The following BICC1 variants were observed in gnomAD, a reference collection of about 807,000 sequenced individuals.
The protein encoded by BICC1 is BicC family RNA binding protein 1, also known as protein bicaudal C homolog 1.
Under a neutral mutation model 111.0 loss-of-function variants are expected in BICC1, and 43 were observed. That is an observed-to-expected ratio of 0.39 (90% CI 0.30 to 0.50). The LOEUF is 0.50. Among genes scored for constraint, BICC1 ranks in the 20% least tolerant of loss-of-function variants. The pLI, the probability that BICC1 is intolerant of heterozygous loss-of-function variation, is 0.88. For synonymous variants in BICC1, 467 were observed against 434.4 expected (o/e 1.07, Z -0.93); for missense variants, 1,091 against 1,203.2 (o/e 0.91, Z 1.38).
intron 2 of BICC1, among the ~76,000 whole-genome samples, chr10:58,646,006 A>G (rs1838258433): frequency 6.6e-6 from 1 of 152,078 alleles, no homozygotes; most frequent in Non-Finnish European, 1.5e-5. Flanking sequence ...ATTTGGAACA[A>G]TGCCAGAGAA....
chr10:58,748,514 G>C (rs7098273), intron 3 of BICC1, among the ~76,000 whole-genome samples: 92,606 of 151,778 alleles, frequency 0.61, 29,837 homozygotes, highest in East Asian at 0.9. Flanking sequence ...GTTTCTCTAA[G>C]TTTGTACACG....
At chr10:58,694,356 C>T (rs564849882) in intron 2 of BICC1, among the ~76,000 whole-genome samples, 1 of 152,300 alleles carries the variant, frequency 6.6e-6, no homozygotes, top group African/African-American at 2.4e-5. Flanking sequence ...CACCAACAAA[C>T]TTCAGAAGAG....
intron 3 of BICC1, among the ~76,000 whole-genome samples, chr10:58,718,818 G>C: frequency 6.6e-6 from 1 of 151,978 alleles, no homozygotes. Context: ...GTATGTGTGT[G>C]TGCGTGCATG....
At chr10:58,650,760 A>G (rs1489643580) in intron 2 of BICC1, 2 of 152,114 alleles carry the variant, frequency 1.3e-5, no homozygotes, top group Non-Finnish European at 2.9e-5. Context: ...ATATTCATTC[A>G]TTCCTCCTTG....
intron 2 of BICC1, among the ~76,000 whole-genome samples, chr10:58,683,113 T>C (rs1839592071): frequency 6.6e-6 from 1 of 152,342 alleles, no homozygotes; most frequent in Admixed American, 6.5e-5. Context: ...CTAGCCAGTT[T>C]TCCCAGCACC....
At chr10:58,544,724 A>G (rs1480064672) in intron 1 of BICC1, among the ~76,000 whole-genome samples, 1 of 152,188 alleles carries the variant, frequency 6.6e-6, no homozygotes, top group Non-Finnish European at 1.5e-5. Context: ...ATGCATACAT[A>G]CATACATGTG....
At chr10:58,615,691 C>T (rs1478661273) in intron 1 of BICC1, among the ~76,000 whole-genome samples, 1 of 152,134 alleles carries the variant, frequency 6.6e-6, no homozygotes, top group Non-Finnish European at 1.5e-5. Flanking sequence ...TGGCATGACA[C>T]TTGGCATAGT....
At chr10:58,792,400 G>T (rs1843209758) in intron 8 of BICC1, among the ~76,000 whole-genome samples, 1 of 152,096 alleles carries the variant, frequency 6.6e-6, no homozygotes, top group African/African-American at 2.4e-5. Context: ...TTAAGGCAGG[G>T]GTCCTCAATC....
intron 1 of BICC1, among the ~76,000 whole-genome samples, chr10:58,587,589 A>G (rs1190940987): frequency 2.0e-5 from 3 of 152,298 alleles, no homozygotes; most frequent in African/African-American, 4.8e-5. Context: ...GTGGTTGGAG[A>G]TGGTAAGGAA....
At chr10:58,767,006 TCTGA>T (rs1385840163) in intron 3 of BICC1, among the ~76,000 whole-genome samples, 1 of 152,034 alleles carries the variant, frequency 6.6e-6, no homozygotes, top group Non-Finnish European at 1.5e-5. Flanking sequence ...GCTGTTTGTA[TCTGA>T]CTGACTGCAT....
At chr10:58,761,138 G>A (rs866878830) in intron 3 of BICC1, among the ~76,000 whole-genome samples, 17 of 152,124 alleles carry the variant, frequency 1.1e-4, no homozygotes, top group Admixed American at 7.9e-4. Flanking sequence ...GATTACAGGC[G>A]TGAGCCACTG....
chr10:58,650,621 G>C (rs1838417618), intron 2 of BICC1: 1 of 152,054 alleles, frequency 6.6e-6, no homozygotes, highest in Non-Finnish European at 1.5e-5. Context: ...GCTCAAATGG[G>C]GCTGTCAGGA....
intron 2 of BICC1, among the ~76,000 whole-genome samples, chr10:58,669,867 A>C (rs2393463): frequency 0.96 from 146,471 of 152,198 alleles, 70,763 homozygotes; most frequent in Middle Eastern, 1. Flanking sequence ...TTTGATAATG[A>C]TTTCAAACGG....
intron 9 of BICC1, among the ~76,000 whole-genome samples, chr10:58,794,480 G>A (rs188812141): frequency 6.6e-6 from 1 of 151,320 alleles, no homozygotes; most frequent in East Asian, 1.9e-4. Flanking sequence ...GTACAGTGGT[G>A]TGATCGTGGC....
At chr10:58,585,907 T>C (rs1844414102) in intron 1 of BICC1, among the ~76,000 whole-genome samples, 1 of 152,196 alleles carries the variant, frequency 6.6e-6, no homozygotes, top group African/African-American at 2.4e-5. Flanking sequence ...GTAGCACTTT[T>C]ATTCTGAAAG....
At chr10:58,568,603 G>A (rs116601260) in intron 1 of BICC1, among the ~76,000 whole-genome samples, 370 of 152,236 alleles carry the variant, frequency 2.4e-3, no homozygotes, top group African/African-American at 8.6e-3. Context: ...CTAGTGCCCA[G>A]AACGCCCACA....
At chr10:58,525,903 C>T (rs1263636477) in intron 1 of BICC1, among the ~76,000 whole-genome samples, 2 of 151,838 alleles carry the variant, frequency 1.3e-5, no homozygotes, top group Non-Finnish European at 2.9e-5. Context: ...AAGCAGTTTT[C>T]AGAATTCTGT....
At chr10:58,567,234 G>A (rs965904715) in intron 1 of BICC1, among the ~76,000 whole-genome samples, 1 of 152,080 alleles carries the variant, frequency 6.6e-6, no homozygotes, top group East Asian at 1.9e-4. Flanking sequence ...TTGCTTAAGG[G>A]TATAAACTTT....
chr10:58,564,923 G>T (rs1447033790), intron 1 of BICC1, among the ~76,000 whole-genome samples: 2 of 152,074 alleles, frequency 1.3e-5, no homozygotes, highest in East Asian at 1.9e-4. Flanking sequence ...TATTAAAGAG[G>T]AATAGGAAAG....
Sources: allele counts gnomAD v4.1 joint callset (sites outside exome capture counted in the v4.1 genomes callset), GRCh38; gene constraint gnomAD v4.1.1; transcripts MANE v1.5; gene names NCBI Gene and HGNC (gene_info 2026-07-23, HGNC 2026-07-21).